ZSWIM6: variants seen among roughly 807,000 people sequenced by gnomAD.
ZSWIM6 encodes the protein zinc finger SWIM domain-containing protein 6.
In ZSWIM6, 9 loss-of-function variants were observed where a neutral mutation model predicts 113.2. The ratio of observed to expected loss-of-function variants is 0.08; its 90% CI spans 0.05 to 0.14. The LOEUF is 0.14. Among genes scored for constraint, ZSWIM6 ranks in the 10% least tolerant of loss-of-function variants. ZSWIM6 has a pLI of 1.00. For synonymous variants in ZSWIM6, 611 were observed against 606.5 expected, an observed-to-expected ratio of 1.01 and a Z score of -0.11; for missense variants, 1,162 against 1,552.2, an observed-to-expected ratio of 0.75 and a Z score of 4.22.
chr5:61,334,422 A>T (rs1579935807), intron 1 of ZSWIM6, among the ~76,000 whole-genome samples: 1 of 152,150 alleles, frequency 6.6e-6, no homozygotes, highest in African/African-American at 2.4e-5. Context: ...ATGAATGGGG[A>T]TAGATTTGGA....
chr5:61,516,521 A>AAT (rs1373758354), intron 4 of ZSWIM6, among the ~76,000 whole-genome samples: 9 of 142,050 alleles, frequency 6.3e-5, no homozygotes, highest in African/African-American at 1.0e-4. Context: ...TAACATGGCA[A>AAT]ATATATATAT....
chr5:61,435,522 G>C (rs1746687191), intron 1 of ZSWIM6, among the ~76,000 whole-genome samples: 2 of 152,174 alleles, frequency 1.3e-5, no homozygotes, highest in Admixed American at 1.3e-4. Context: ...AGAACAAATA[G>C]AGTATTATGT....
At chr5:61,480,745 A>C (rs943569898) in intron 2 of ZSWIM6, among the ~76,000 whole-genome samples, 1 of 152,190 alleles carries the variant, frequency 6.6e-6, no homozygotes, top group African/African-American at 2.4e-5. Flanking sequence ...GCTGTAAAGA[A>C]AGACATTTTT....
intron 4 of ZSWIM6, among the ~76,000 whole-genome samples, chr5:61,507,990 G>A (rs1334074104): frequency 1.3e-5 from 2 of 152,038 alleles, no homozygotes; most frequent in Non-Finnish European, 1.5e-5. Flanking sequence ...TAAGAATATT[G>A]GTTTTAGGGG....
intron 1 of ZSWIM6, among the ~76,000 whole-genome samples, chr5:61,467,138 T>G (rs1048237799): frequency 1.3e-5 from 2 of 152,200 alleles, no homozygotes; most frequent in African/African-American, 4.8e-5. Context: ...TTCTTCAACT[T>G]TCTGGTATCA....
chr5:61,478,267 T>A (rs1747759148), intron 2 of ZSWIM6, among the ~76,000 whole-genome samples: 1 of 152,052 alleles, frequency 6.6e-6, no homozygotes, highest in Admixed American at 6.6e-5. Context: ...TTAAAGAAAA[T>A]TTATAAAAGA....
chr5:61,507,745 C>T (rs1748661770), intron 4 of ZSWIM6, among the ~76,000 whole-genome samples: 1 of 152,062 alleles, frequency 6.6e-6, no homozygotes, highest in South Asian at 2.1e-4. Flanking sequence ...TACATAAGAA[C>T]ATGTGGTTAA....
At chr5:61,339,040 C>T (rs778530051) in intron 1 of ZSWIM6, among the ~76,000 whole-genome samples, 6 of 152,136 alleles carry the variant, frequency 3.9e-5, no homozygotes, top group Non-Finnish European at 5.9e-5. Flanking sequence ...CAATTCTAAC[C>T]CTATGAATGT....
intron 1 of ZSWIM6, among the ~76,000 whole-genome samples, chr5:61,432,219 C>G (rs1036571547): frequency 6.6e-6 from 1 of 152,182 alleles, no homozygotes; most frequent in Non-Finnish European, 1.5e-5. Flanking sequence ...AATTAAACTT[C>G]GGCTTGTGCT....
chr5:61,355,727 A>G (rs556360642), intron 1 of ZSWIM6, among the ~76,000 whole-genome samples: 7 of 152,306 alleles, frequency 4.6e-5, no homozygotes, highest in Admixed American at 1.3e-4. Flanking sequence ...GGCAGGCTGG[A>G]ATTGAGATTA....
At chr5:61,356,225 A>G (rs571313350) in intron 1 of ZSWIM6, among the ~76,000 whole-genome samples, 3 of 152,164 alleles carry the variant, frequency 2.0e-5, no homozygotes, top group African/African-American at 7.2e-5. Flanking sequence ...CAGCCTCCCA[A>G]ATAGCTGGGA....
intron 1 of ZSWIM6, among the ~76,000 whole-genome samples, chr5:61,451,772 T>G (rs1293416866): frequency 6.6e-6 from 1 of 152,274 alleles, no homozygotes; most frequent in East Asian, 1.9e-4. Context: ...ATTTTCTAGA[T>G]TCATTCAAGA....
In ZSWIM6 at chr5:61,541,963, T is replaced by G; in HGVS notation, c.2783T>G (p.Val928Gly). Residue 928 changes from valine to glycine, a missense_variant and splice_region_variant, in exon 13 of 14, where the codon GTC becomes GGC. Around this residue, in one of 4 missense-constraint regions of ZSWIM6, gnomAD observed 620 missense variants for 804.6 expected, o/e 0.77. Coordinates refer to ENST00000252744, the MANE Select transcript of ZSWIM6 (RefSeq NM_020928.2). ...TGGCTGGTAACGTGTGCTACTGAAG[T>G]CGGTAGGTAAACTCTGGAACAGAAG... Reference protein sequence around the residue: ...VRWLVTCATEVGVYALDSIMQ... With the variant: ...VRWLVTCATEGGVYALDSIMQ... 1 of 1,549,994 alleles carries G rather than the reference T, an allele frequency of 6.5e-7. No homozygotes were observed. The highest frequency in any genetic ancestry group is 1.7e-4 in the Middle Eastern group (1 of 5,990).
At chr5:61,359,846 A>C (rs920121192) in intron 1 of ZSWIM6, among the ~76,000 whole-genome samples, 3 of 152,192 alleles carry the variant, frequency 2.0e-5, no homozygotes, top group Non-Finnish European at 4.4e-5. Context: ...TGGAAAAAAA[A>C]CAAAACAAAA....
chr5:61,393,665 G>C lies in ZSWIM6; in HGVS notation c.676+60717G>C, dbSNP rs566496858. The stretch of plus-strand genomic sequence containing the variant: ...AGGCAGGAGAATCACTTGAACTCGG[G>C]GGGCGGAGGTTGCAGTGAGCTGAGA... On this transcript the variant is annotated intron_variant, in intron 1 of 13. Transcript: ENST00000252744. Among the ~76,000 whole-genome samples, 3 of 151,954 alleles carry C rather than the reference G, an allele frequency of 2.0e-5. No individual in the cohort carries two copies. The South Asian group carries it at 6.2e-4, about 32-fold the overall frequency.
intron 1 of ZSWIM6, among the ~76,000 whole-genome samples, chr5:61,402,562 T>C (rs1745959761): frequency 6.6e-6 from 1 of 152,138 alleles, no homozygotes; most frequent in East Asian, 1.9e-4. Context: ...GGAAGTACTA[T>C]GTCCAGAAAC....
At chr5:61,416,444 C>T (rs1009251731) in intron 1 of ZSWIM6, among the ~76,000 whole-genome samples, 2 of 152,202 alleles carry the variant, frequency 1.3e-5, no homozygotes, top group African/African-American at 4.8e-5. Flanking sequence ...TTCCTCCTAG[C>T]TGATTATATC....
chr5:61,504,320 C>T (rs996558851), intron 4 of ZSWIM6, among the ~76,000 whole-genome samples: 4 of 152,188 alleles, frequency 2.6e-5, no homozygotes, highest in Non-Finnish European at 5.9e-5. Flanking sequence ...GCCATCAATG[C>T]TGCAGGTAAT....
intron 4 of ZSWIM6, 52 bp downstream of exon 4, chr5:61,494,462 A>G (rs1446353266): frequency 2.1e-5 from 33 of 1,544,228 alleles, no homozygotes; most frequent in Non-Finnish European, 2.6e-5. Context: ...GATAAATACC[A>G]TAGTCAGATG....
Sources: allele counts gnomAD v4.1 joint callset (sites outside exome capture counted in the v4.1 genomes callset), GRCh38; gene constraint gnomAD v4.1.1; regional missense constraint gnomAD v4.1.1; transcripts MANE v1.5; gene names NCBI Gene and HGNC (gene_info 2026-07-23, HGNC 2026-07-21).